Variants in FGF14 observed in about 807,000 individuals in gnomAD.
FGF14 encodes fibroblast growth factor homologous factor 4.
FGF14 carries 5 observed loss-of-function variants against 25.5 expected under a neutral mutation model. The ratio of observed to expected loss-of-function variants is 0.20; its 90% CI spans 0.10 to 0.41. The LOEUF is 0.41. FGF14 is among the 10% of genes least tolerant of loss of function. FGF14 has a pLI of 1.00. For missense variants in FGF14, 222 were observed against 320.1 expected (o/e 0.69, Z 2.34); for synonymous variants, 138 against 118.3 (o/e 1.17, Z -1.08).
chr13:102,242,872 C>A (rs1469197087), intron 1 of FGF14, among the ~76,000 whole-genome samples: 2 of 152,110 alleles, frequency 1.3e-5, no homozygotes, highest in Admixed American at 6.6e-5. Flanking sequence ...AGCTTTCCCT[C>A]AAAATCAGTT....
intron 3 of FGF14, among the ~76,000 whole-genome samples, chr13:101,762,706 A>G (rs562878966): frequency 6.6e-6 from 1 of 152,308 alleles, no homozygotes; most frequent in African/African-American, 2.4e-5. Flanking sequence ...AATAATTGTA[A>G]GTTTGCCATC....
chr13:102,019,976 C>A (rs1452597927), intron 1 of FGF14, among the ~76,000 whole-genome samples: 3 of 151,904 alleles, frequency 2.0e-5, no homozygotes, highest in African/African-American at 2.4e-5. Flanking sequence ...TTGCCTACAG[C>A]AAAAATAAAA....
chr13:102,328,586 C>T (rs2056536064), intron 1 of FGF14, among the ~76,000 whole-genome samples: 3 of 152,208 alleles, frequency 2.0e-5, no homozygotes, highest in Admixed American at 1.3e-4. Context: ...CCACCTACTC[C>T]CACACTTAAA....
chr13:102,049,126 GA>G (rs148144840), intron 1 of FGF14, among the ~76,000 whole-genome samples: 10,807 of 151,506 alleles, frequency 0.071, 813 homozygotes, highest in African/African-American at 0.19. Context: ...AAAATTTTAG[GA>G]AAAAAAATAC....
chr13:102,182,841 A>G (rs957855115), intron 1 of FGF14, among the ~76,000 whole-genome samples: 1 of 152,174 alleles, frequency 6.6e-6, no homozygotes, highest in Admixed American at 6.5e-5. Context: ...GTACTTCTCA[A>G]AAAGAATTAA....
intron 1 of FGF14, among the ~76,000 whole-genome samples, chr13:102,209,293 G>A (rs2050067320): frequency 6.6e-6 from 1 of 152,196 alleles, no homozygotes; most frequent in Non-Finnish European, 1.5e-5. Context: ...GTGAAATCAT[G>A]AATCCAGAAG....
At chr13:101,760,702 G>C (rs946895606) in intron 3 of FGF14, among the ~76,000 whole-genome samples, 1 of 152,144 alleles carries the variant, frequency 6.6e-6, no homozygotes, top group African/African-American at 2.4e-5. Context: ...CTGATCACCT[G>C]ATATAGTATT....
At chr13:102,200,929 C>A (rs1264195667) in intron 1 of FGF14, among the ~76,000 whole-genome samples, 1 of 151,524 alleles carries the variant, frequency 6.6e-6, no homozygotes, top group East Asian at 1.9e-4. Flanking sequence ...GGTGAAACCC[C>A]GTCTCTACTA....
chr13:102,278,661 C>A (rs1364023477), intron 1 of FGF14, among the ~76,000 whole-genome samples: 1 of 145,340 alleles, frequency 6.9e-6, no homozygotes, highest in Non-Finnish European at 1.5e-5. Flanking sequence ...CACACACATA[C>A]ACACACACAT....
At chr13:101,871,379 GT>G in intron 2 of FGF14, among the ~76,000 whole-genome samples, 1 of 152,082 alleles carries the variant, frequency 6.6e-6, no homozygotes, top group South Asian at 2.1e-4. Flanking sequence ...TTGGGAACGG[GT>G]TTAGGACATA....
intron 3 of FGF14, among the ~76,000 whole-genome samples, chr13:101,817,250 A>G (rs1450177477): frequency 6.6e-6 from 1 of 152,240 alleles, no homozygotes; most frequent in African/African-American, 2.4e-5. Flanking sequence ...ATCATTGCTT[A>G]AGAAATGATT....
At chr13:101,990,691 A>G (rs147139597) in intron 1 of FGF14, among the ~76,000 whole-genome samples, 22 of 152,168 alleles carry the variant, frequency 1.4e-4, no homozygotes, top group Admixed American at 6.6e-4. Flanking sequence ...ACAGGTCTCT[A>G]GGGTTTTTGA....
intron 4 of FGF14, among the ~76,000 whole-genome samples, chr13:101,726,177 C>G (rs1396177788): frequency 2.6e-5 from 4 of 151,940 alleles, no homozygotes; most frequent in African/African-American, 9.7e-5. Context: ...TTACTTTCAC[C>G]TAGATAATAT....
intron 3 of FGF14, among the ~76,000 whole-genome samples, chr13:101,741,889 A>G (rs2036581824): frequency 6.6e-6 from 1 of 152,190 alleles, no homozygotes; most frequent in African/African-American, 2.4e-5. Context: ...ACCTTTTTAC[A>G]TAGCTGCCCT....
At chr13:102,162,770 CT>C in intron 1 of FGF14, among the ~76,000 whole-genome samples, 1 of 152,240 alleles carries the variant, frequency 6.6e-6, no homozygotes, top group Admixed American at 6.5e-5. Context: ...GAGTTGAATG[CT>C]GTGGAAAATG....
At chr13:102,090,231 C>T (rs536702024) in intron 1 of FGF14, among the ~76,000 whole-genome samples, 1 of 152,152 alleles carries the variant, frequency 6.6e-6, no homozygotes, top group Non-Finnish European at 1.5e-5. Flanking sequence ...CTATTACAGG[C>T]TTATTGAATT....
At chr13:102,088,799 A>T (rs1328315229) in intron 1 of FGF14, among the ~76,000 whole-genome samples, 1 of 152,156 alleles carries the variant, frequency 6.6e-6, no homozygotes, top group Non-Finnish European at 1.5e-5. Context: ...ATCATAGCAA[A>T]TATTATAGAA....
At chr13:101,927,838 G>A (rs1427436173) in intron 1 of FGF14, among the ~76,000 whole-genome samples, 1 of 152,148 alleles carries the variant, frequency 6.6e-6, no homozygotes, top group Admixed American at 6.5e-5. Context: ...GCCTGGAGCA[G>A]TGCCTGACCC....
At chr13:101,766,476 G>A (rs1315560802) in intron 3 of FGF14, among the ~76,000 whole-genome samples, 4 of 152,076 alleles carry the variant, frequency 2.6e-5, no homozygotes, top group Non-Finnish European at 5.9e-5. Flanking sequence ...TGTTGTTAGG[G>A]GCATTATGAC....
Sources: gnomAD v4.1 joint callset for allele counts (sites outside exome capture counted in the v4.1 genomes callset) on GRCh38, gnomAD v4.1.1 for gene constraint, MANE v1.5 for transcripts, NCBI Gene and HGNC (gene_info 2026-07-23, HGNC 2026-07-21) for gene names.